The following PHACTR3 variants were observed in gnomAD, a reference collection of about 807,000 sequenced individuals.
The protein encoded by PHACTR3 is phosphatase and actin regulator 3, also known as protein phosphatase 1, regulatory subunit 123.
PHACTR3 carries 16 observed loss-of-function variants against 66.8 expected under a neutral mutation model. The ratio of observed to expected loss-of-function variants is 0.24; its 90% CI spans 0.16 to 0.36. PHACTR3 has a LOEUF of 0.36. PHACTR3 is among the 10% of genes least tolerant of loss of function. The pLI, the probability that PHACTR3 is intolerant of heterozygous loss-of-function variation, is 1.00. For missense variants in PHACTR3, 647 were observed against 719.9 expected, an observed-to-expected ratio of 0.90 and a Z score of 1.16; for synonymous variants, 323 against 292.1, an observed-to-expected ratio of 1.11 and a Z score of -1.08.
intron 1 of PHACTR3, among the ~76,000 whole-genome samples, chr20:59,707,422 G>A (rs911398265): frequency 6.6e-6 from 1 of 151,330 alleles, no homozygotes; most frequent in Non-Finnish European, 1.5e-5. Flanking sequence ...AAGAGTCTGG[G>A]GCCTCCCTTC....
intron 1 of PHACTR3, among the ~76,000 whole-genome samples, chr20:59,615,740 G>T (rs1470573888): frequency 6.6e-6 from 1 of 152,144 alleles, no homozygotes; most frequent in East Asian, 1.9e-4. Flanking sequence ...AAGATACATG[G>T]GACCTCTTAG....
chr20:59,715,360 A>G (rs2038056346), intron 1 of PHACTR3, among the ~76,000 whole-genome samples: 3 of 152,132 alleles, frequency 2.0e-5, no homozygotes, highest in South Asian at 4.1e-4. Flanking sequence ...ATCAAATGCT[A>G]TCTCTGTATT....
At chr20:59,723,500 C>T (rs529767812) in intron 1 of PHACTR3, among the ~76,000 whole-genome samples, 2 of 152,250 alleles carry the variant, frequency 1.3e-5, no homozygotes, top group Non-Finnish European at 1.5e-5. Context: ...ATCCATTCAT[C>T]CGTTGATGGG....
At chr20:59,592,128 GCTGT>G (rs1306946057) in intron 1 of PHACTR3, among the ~76,000 whole-genome samples, 2 of 152,050 alleles carry the variant, frequency 1.3e-5, no homozygotes, top group Non-Finnish European at 2.9e-5. Flanking sequence ...CACAGCAGCT[GCTGT>G]CTATCAGCCT....
chr20:59,629,842 A>T (rs1045638330), intron 1 of PHACTR3, among the ~76,000 whole-genome samples: 1 of 152,176 alleles, frequency 6.6e-6, no homozygotes, highest in Non-Finnish European at 1.5e-5. Context: ...CCGTCTTCCC[A>T]CTGACTGATG....
chr20:59,828,171 A>G (rs1432580137), intron 8 of PHACTR3, among the ~76,000 whole-genome samples: 3 of 152,180 alleles, frequency 2.0e-5, no homozygotes, highest in African/African-American at 7.2e-5. Context: ...ATTTTGGTGG[A>G]GCTGTATTAC....
chr20:59,654,146 G>C (rs1339092827), intron 1 of PHACTR3, among the ~76,000 whole-genome samples: 1 of 152,142 alleles, frequency 6.6e-6, no homozygotes, highest in Non-Finnish European at 1.5e-5. Context: ...TGTGCCTTCA[G>C]ATGGTACTTC....
intron 11 of PHACTR3, 125 bp from the exon 12 acceptor site, chr20:59,845,064 T>G (rs990497895): frequency 8.6e-6 from 5 of 582,030 alleles, no homozygotes; most frequent in Non-Finnish European, 1.2e-5. Flanking sequence ...AAAAATTGTT[T>G]GTTTTTTTCT....
At position 59,731,976 on chromosome 20, in the gene PHACTR3, C is replaced by T. The variant is rs372512801; in HGVS notation, c.119-11131C>T. 5.9e-5 allele frequency among the ~76,000 whole-genome samples: 9 copies of T among 152,284 alleles called. No homozygotes were observed. In the East Asian group the frequency reaches 1.5e-3, roughly 26 times the overall value. ...TGGGTTTATTGCTCAAACTATTTGA[C>T]AGCTTTTGTGGGGTTATTGCAGTCT... On this transcript the variant is annotated intron_variant, in intron 1 of 12. Coordinates refer to ENST00000371015, the MANE Select transcript of PHACTR3 (RefSeq NM_080672.5).
intron 1 of PHACTR3, among the ~76,000 whole-genome samples, chr20:59,579,036 G>A (rs1049171786): frequency 1.3e-5 from 2 of 152,202 alleles, no homozygotes; most frequent in Non-Finnish European, 2.9e-5. Context: ...CAGAGTAAGT[G>A]CCCACAAGTG....
At chr20:59,846,810 T>G (rs2059158803) in intron 12 of PHACTR3, among the ~76,000 whole-genome samples, 2 of 152,184 alleles carry the variant, frequency 1.3e-5, no homozygotes, top group South Asian at 4.1e-4. Context: ...TATTAACAAA[T>G]TCATCATTTC....
At chr20:59,597,516 A>G (rs1401622746) in intron 1 of PHACTR3, among the ~76,000 whole-genome samples, 1 of 152,240 alleles carries the variant, frequency 6.6e-6, no homozygotes, top group Non-Finnish European at 1.5e-5. Context: ...TGGGGCAAGT[A>G]CTTAAGAACT....
At chr20:59,813,120 C>T (rs1209075188) in intron 8 of PHACTR3, among the ~76,000 whole-genome samples, 1 of 152,160 alleles carries the variant, frequency 6.6e-6, no homozygotes, top group East Asian at 1.9e-4. Flanking sequence ...GGGCTGAGTC[C>T]TTTGCCCGCT....
At chr20:59,678,093 C>T (rs1003855751) in intron 1 of PHACTR3, among the ~76,000 whole-genome samples, 3 of 152,130 alleles carry the variant, frequency 2.0e-5, no homozygotes, top group Admixed American at 6.5e-5. Flanking sequence ...GTTCCTGAGC[C>T]GAGCCCATAG....
At position 59,620,616 on chromosome 20, in the gene PHACTR3, C is replaced by G. The variant is rs538705437; in HGVS notation, c.118+15484C>G. ...CACAAATCCCCCATAAGCGATGTCG[C>G]TGGAGATCCCTAGGTCAGTTGGACC... On this transcript the variant is annotated intron_variant, in intron 1 of 12. Coordinates refer to ENST00000371015, the MANE Select transcript of PHACTR3 (RefSeq NM_080672.5). Among the ~76,000 whole-genome samples, 6 of 152,326 alleles carry G rather than the reference C, an allele frequency of 3.9e-5. No individual in the cohort carries two copies. In the South Asian group the frequency reaches 1.2e-3, roughly 32 times the overall value.
At position 59,792,533 on chromosome 20, in the gene PHACTR3, T is replaced by C. The variant is rs147002490; in HGVS notation, c.1175-13508T>C. 1.7e-4 allele frequency among the ~76,000 whole-genome samples: 26 copies of C among 152,338 alleles called. No homozygotes were observed. In the East Asian group the frequency reaches 4.6e-3, roughly 27 times the overall value. ...TGTAAAGAACTCTGTGCAGATCCAG[T>C]TGGCCAAGGGCTGGGCTATGCCTAT... is the stretch of plus-strand genomic sequence containing the variant. On this transcript the variant is annotated intron_variant, in intron 7 of 12. Transcript: ENST00000371015.
chr20:59,826,633 A>G (rs4812136), intron 8 of PHACTR3, among the ~76,000 whole-genome samples: 32,700 of 146,404 alleles, frequency 0.22, 4,840 homozygotes, highest in African/African-American at 0.42. Flanking sequence ...TCTCATACCC[A>G]CTCTCCCACA....
intron 8 of PHACTR3, among the ~76,000 whole-genome samples, chr20:59,835,112 G>C (rs1033143237): frequency 6.6e-6 from 1 of 152,306 alleles, no homozygotes; most frequent in African/African-American, 2.4e-5. Flanking sequence ...TGTTCTGGGG[G>C]CTTGGAACAG....
At chr20:59,622,647 GCA>G (rs1329055825) in intron 1 of PHACTR3, among the ~76,000 whole-genome samples, 1 of 152,124 alleles carries the variant, frequency 6.6e-6, no homozygotes, top group Non-Finnish European at 1.5e-5. Flanking sequence ...GCACCTCGCT[GCA>G]CACAGAGAGG....
Sources: gnomAD v4.1 joint callset for allele counts (sites outside exome capture counted in the v4.1 genomes callset) on GRCh38, gnomAD v4.1.1 for gene constraint, MANE v1.5 for transcripts, NCBI Gene and HGNC (gene_info 2026-07-23, HGNC 2026-07-21) for gene names.